Variants in EARS2 observed in about 807,000 individuals in gnomAD.
EARS2 encodes nondiscriminating glutamyl-tRNA synthetase EARS2, mitochondrial.
In EARS2, 50 loss-of-function variants were observed where a neutral mutation model predicts 54.1. The ratio of observed to expected loss-of-function variants is 0.92; its 90% CI spans 0.74 to 1.17. EARS2 has a LOEUF of 1.17. Ranked by LOEUF, EARS2 falls within the 50% of genes most tolerant of loss-of-function variation. The pLI is 0.00. For missense variants in EARS2, 673 were observed against 675.0 expected, an observed-to-expected ratio of 1.00 and a Z score of 0.03; for synonymous variants, 298 against 281.0, an observed-to-expected ratio of 1.06 and a Z score of -0.61.
At chr16:23,529,684 A>G (rs779400494) in intron 6 of EARS2, 52 bp from the exon 7 acceptor site, 1 of 1,612,836 alleles carries the variant, frequency 6.2e-7, no homozygotes, top group Non-Finnish European at 8.5e-7. Flanking sequence ...TCTGGAAGGC[A>G]GGAGGAATTG....
In EARS2 at chr16:23,525,339, G is replaced by C; in HGVS notation, c.1393C>G (p.Leu465Val). ...RSSMSLTQDMLNGELKKLSEG... is the reference protein window; with the variant it reads ...RSSMSLTQDMVNGELKKLSEG... ...GATAGCTTCTTCAGTTCTCCATTCA[G>C]CATATCCTGAGTTAAGCTCATACTA... The change falls in exon 8 of 9, where the codon CTG (leucine) becomes GTG (valine). Residue 465 changes from leucine (L) to valine (V), a missense_variant. By Grantham distance (32) the Leu-to-Val change is conservative (BLOSUM62 1). Transcript: ENST00000449606. 1.9e-6 allele frequency: 3 copies of C among 1,613,944 alleles called. No homozygotes were observed. In the Admixed American group the frequency reaches 5.0e-5, roughly 27 times the overall value.
In EARS2 at chr16:23,557,217, G is replaced by A. The variant is rs1226228932; in HGVS notation, c.127C>T (p.Pro43Ser). 3 of 1,516,156 alleles carry A rather than the reference G, an allele frequency of 2.0e-6. No homozygotes were observed. The highest frequency in any genetic ancestry group is 2.6e-6 in the Non-Finnish European group (3 of 1,140,692). The allele number at this position is 1,516,156 out of a possible 1,614,324, so 93.9% of individuals were successfully genotyped here. Residue 43 changes from proline to serine, a missense_variant, in exon 1 of 9, where the codon CCC (proline) becomes TCC (serine). By Grantham distance (74) the Pro-to-Ser change is moderately conservative. This residue lies in a region of EARS2 where 316 missense variants were observed against 275.2 expected (regional missense o/e 1.15). Transcript: ENST00000449606. ...AGVAVRVRFA[P>S]SPTGFLHLGG... is the part of the protein sequence containing the mutation. Reference sequence around the variant, plus strand: ...CCGCCAGGGTTACCTGTGGGGCTGGGAGCGAACCGCACTCGCACCGCAACC... The same window carrying A: ...CCGCCAGGGTTACCTGTGGGGCTGGAAGCGAACCGCACTCGCACCGCAACC...
Position 23,529,519 on chromosome 16 carries a change from A to G in EARS2, c.1335T>C (p.Ile445=), listed in dbSNP as rs1159875825. The G allele has an allele frequency of 1.2e-6, 2 of 1,613,926 alleles. No homozygotes were observed. The highest frequency in any genetic ancestry group is 1.7e-6 in the Non-Finnish European group (2 of 1,179,974). ...GTACTCACCCCAGCACACGCTTGGC[A>G]ATCACATCCACCTTCTCCGAGATGG... ...LDAISEKVDV[I]AKRVLGLLER... Residue 445 remains isoleucine (I), a synonymous_variant, in exon 7 of 9, where the codon ATT becomes ATC. Transcript: ENST00000449606.
chr16:23,534,021 A>G (rs370702701), intron 4 of EARS2, among the ~76,000 whole-genome samples: 11 of 150,504 alleles, frequency 7.3e-5, no homozygotes, highest in African/African-American at 2.7e-4. Flanking sequence ...GCGCCATTGC[A>G]CTCCAGAATG....
intron 3 of EARS2, among the ~76,000 whole-genome samples, chr16:23,542,247 G>A (rs918319364): frequency 4.0e-5 from 6 of 148,972 alleles, no homozygotes; most frequent in Non-Finnish European, 1.5e-5. Context: ...GCCCACCTCC[G>A]CCCTCCCAAA....
intron 7 of EARS2, among the ~76,000 whole-genome samples, chr16:23,528,505 G>A (rs1965267605): frequency 6.6e-6 from 1 of 152,222 alleles, no homozygotes; most frequent in Non-Finnish European, 1.5e-5. Flanking sequence ...GAACATTTGG[G>A]TATCAGCTTT....
chr16:23,526,873 G>A (rs544148026), intron 7 of EARS2, among the ~76,000 whole-genome samples: 228 of 152,304 alleles, frequency 1.5e-3, no homozygotes, highest in Non-Finnish European at 2.8e-3. Context: ...ATTTGCCTCG[G>A]CCCTGATTGA....
rs183319909 is a variant in EARS2, at chr16:23,552,646, C to T, written c.140-342G>A. Among the ~76,000 whole-genome samples the T allele has an allele frequency of 1.5e-4, 23 of 152,364 alleles. No individual in the cohort carries two copies. In the East Asian group the frequency reaches 3.3e-3, roughly 22 times the overall value. Reference sequence around the variant, plus strand: ...CTGGGATTACAGGTGTGTGCCACCACGTCCAGCTACATGTTTGTATTTTTG... The same window carrying T: ...CTGGGATTACAGGTGTGTGCCACCATGTCCAGCTACATGTTTGTATTTTTG... On this transcript the variant is annotated intron_variant, in intron 1 of 8. Transcript: ENST00000449606.
Position 23,532,722 on chromosome 16 carries a change from G to C in EARS2, c.1002C>G (p.Phe334Leu). ...AGTGACAGGTGACCTGTGTCAGGTT[G>C]AACTGTGTGATCAGCTCCGGCAGGG... ...GRTLPELITQ[F>L]NLTQVTCHSA... is the part of the protein sequence containing the mutation. Residue 334 changes from phenylalanine (F) to leucine (L), a missense_variant, in exon 5 of 9, where the codon TTC (phenylalanine) becomes TTG (leucine). Phe to Leu is a conservative substitution (Grantham distance 22, BLOSUM62 0). Coordinates refer to ENST00000449606, the MANE Select transcript of EARS2 (RefSeq NM_001083614.2). The C allele has an allele frequency of 6.2e-7, 1 of 1,614,144 alleles. No individual in the cohort carries two copies.
chr16:23,530,476 C>T (rs762216496), intron 5 of EARS2, among the ~76,000 whole-genome samples: 2 of 152,030 alleles, frequency 1.3e-5, no homozygotes, highest in African/African-American at 2.4e-5. Context: ...ATTTTTGAGA[C>T]GGAGCCTCAC....
chr16:23,548,476 T>C (rs1259002120), intron 2 of EARS2, among the ~76,000 whole-genome samples: 1 of 152,092 alleles, frequency 6.6e-6, no homozygotes, highest in Non-Finnish European at 1.5e-5. Context: ...TCACCGTTGT[T>C]CATCACTGTA....
chr16:23,525,127 T>A (rs1186271792), intron 8 of EARS2, 117 bp downstream of exon 8: 1 of 1,389,146 alleles, frequency 7.2e-7, no homozygotes, highest in Non-Finnish European at 1.0e-6. Context: ...AGGGGAGTGA[T>A]CATGTTTCAT....
rs544108817 is a variant in EARS2 at position 23,535,026 on chromosome 16, G to T, written c.820C>A (p.Leu274Met). The change falls in exon 4 of 9, where the codon CTG (leucine) becomes ATG (methionine). Residue 274 changes from leucine to methionine, a missense_variant. Transcript: ENST00000449606. ...LGWQPPHFAH[L>M]PLLLNRDGSK... Reference sequence around the variant, plus strand: ...CCATCCCTGTTGAGGAGCAGGGGCAGGTGGGCGAAGTGGGGTGGCTGCCAG... The same window carrying T: ...CCATCCCTGTTGAGGAGCAGGGGCATGTGGGCGAAGTGGGGTGGCTGCCAG... 1 of 1,611,972 alleles carries T rather than the reference G, an allele frequency of 6.2e-7. No individual in the cohort carries two copies. The highest frequency in any genetic ancestry group is 1.7e-5 in the Admixed American group (1 of 59,806).
intron 3 of EARS2, among the ~76,000 whole-genome samples, chr16:23,540,711 G>A (rs1467794230): frequency 6.6e-6 from 1 of 152,138 alleles, no homozygotes; most frequent in Non-Finnish European, 1.5e-5. Context: ...GCCGAGGCAG[G>A]TGGATTGCCT....
intron 2 of EARS2, among the ~76,000 whole-genome samples, chr16:23,545,846 C>T (rs908540761): frequency 1.3e-5 from 2 of 152,010 alleles, no homozygotes; most frequent in African/African-American, 4.8e-5. Context: ...TAGTAGAGAG[C>T]GAGTCTTGCT....
At chr16:23,547,074 G>T (rs1965615155) in intron 2 of EARS2, among the ~76,000 whole-genome samples, 1 of 152,202 alleles carries the variant, frequency 6.6e-6, no homozygotes, top group Non-Finnish European at 1.5e-5. Flanking sequence ...GCATGTAAAT[G>T]TTCATAGAGT....
rs1197459907 is a variant in EARS2, at chr16:23,557,320, C to A, written c.24G>T (p.Leu8=). 7.2e-6 allele frequency: 11 copies of A among 1,537,766 alleles called. No individual in the cohort carries two copies. Among genetic ancestry groups the A allele is most frequent in the Non-Finnish European group, 9.6e-6 (11 of 1,149,892 alleles). The change falls in exon 1 of 9, where the codon CTG becomes CTT. Residue 8 remains leucine, a synonymous_variant. Transcript: ENST00000449606. The part of the protein sequence containing the change: MAALLRR[L]LQRERPSAAS... ...CCGCCGAAGGCCTCTCGCGCTGCAG[C>A]AGTCTCCTCAGGAGCGCCGCCATGT... is the stretch of plus-strand genomic sequence containing the variant.
rs1014358592 is a variant in EARS2, at chr16:23,557,185, G to T, written c.139+20C>A. On this transcript the variant is annotated intron_variant, in intron 1 of 8. Coordinates refer to ENST00000449606, the MANE Select transcript of EARS2 (RefSeq NM_001083614.2). ...GGGACAGGGGGCCTCGGCCTGTAGC[G>T]TCACGTCCGCCAGGGTTACCTGTGG... The T allele has an allele frequency of 6.6e-7, 1 of 1,505,730 alleles. No individual in the cohort carries two copies. The highest frequency in any genetic ancestry group is 1.4e-5 in the African/African-American group (1 of 71,820). The allele number at this position is 1,505,730 out of a possible 1,614,324, so 93.3% of individuals were successfully genotyped here.
At position 23,544,699 on chromosome 16, in the gene EARS2, G is replaced by A. The variant is rs370429180; in HGVS notation, c.300C>T (p.Ile100=). The change falls in exon 3 of 9, where the codon ATC becomes ATT. Residue 100 remains isoleucine (I), a synonymous_variant. Transcript: ENST00000449606. The part of the protein sequence containing the change: ...NIEDMLEWAG[I]PPDESPRRGG... Reference sequence around the variant, plus strand: ...CCCGGCGGGGGCTCTCATCAGGCGGGATGCCTGGAACACAGGGAATAATGA... The same window carrying A: ...CCCGGCGGGGGCTCTCATCAGGCGGAATGCCTGGAACACAGGGAATAATGA... 12 of 1,599,568 alleles carry A rather than the reference G, an allele frequency of 7.5e-6. No homozygotes were observed. The African/African-American group carries it at 1.6e-4, about 21-fold the overall frequency.
Sources: gnomAD v4.1 joint callset for allele counts (sites outside exome capture counted in the v4.1 genomes callset) on GRCh38, gnomAD v4.1.1 for gene constraint, gnomAD v4.1.1 regional missense constraint, MANE v1.5 for transcripts, NCBI Gene and HGNC (gene_info 2026-07-23, HGNC 2026-07-21) for gene names.